Variants in IGFBP7 observed in about 807,000 individuals in gnomAD.
IGFBP7 encodes the protein insulin like growth factor binding protein 7.
IGFBP7 carries 31 observed loss-of-function variants against 29.4 expected under a neutral mutation model. The observed-to-expected ratio is 1.05, with a 90% CI of 0.79 to 1.42. IGFBP7 has a LOEUF of 1.42. Ranked by LOEUF, IGFBP7 falls within the 40% of genes most tolerant of loss-of-function variation. The pLI is 0.00. For missense variants in IGFBP7, 393 were observed against 395.5 expected, an observed-to-expected ratio of 0.99 and a Z score of 0.05; for synonymous variants, 172 against 174.9, an observed-to-expected ratio of 0.98 and a Z score of 0.13.
At chr4:57,055,467 A>G (rs1477243836) in intron 1 of IGFBP7, among the ~76,000 whole-genome samples, 4 of 152,196 alleles carry the variant, frequency 2.6e-5, no homozygotes, top group Admixed American at 2.6e-4. Flanking sequence ...GACAGATTAG[A>G]AGAAATTATG....
chr4:57,063,124 C>T (rs1257997501), intron 1 of IGFBP7, among the ~76,000 whole-genome samples: 1 of 151,246 alleles, frequency 6.6e-6, no homozygotes, highest in East Asian at 1.9e-4. Context: ...CTAGAATATT[C>T]CCCCCATTTC....
intron 1 of IGFBP7, among the ~76,000 whole-genome samples, chr4:57,103,574 T>C (rs1383548535): frequency 6.6e-6 from 1 of 152,136 alleles, no homozygotes; most frequent in Non-Finnish European, 1.5e-5. Flanking sequence ...ATTTAACATA[T>C]GCATTACCTC....
rs1460186310 is a variant in IGFBP7 at position 57,078,469 on chromosome 4, G to A, written c.475+31408C>T. On this transcript the variant is annotated intron_variant, in intron 1 of 4. Coordinates refer to ENST00000295666, the MANE Select transcript of IGFBP7 (RefSeq NM_001553.3). ...AGCTGATGGGAAAGCGGTAAAACTC[G>A]ATTTCAAACTTGTCTAAAAAAAAAA... Among the ~76,000 whole-genome samples the A allele has an allele frequency of 4.0e-5, 6 of 151,382 alleles. No individual in the cohort carries two copies. In the East Asian group the frequency reaches 1.2e-3, roughly 29 times the overall value.
intron 1 of IGFBP7, among the ~76,000 whole-genome samples, chr4:57,046,893 C>A (rs1400582123): frequency 6.6e-6 from 1 of 152,326 alleles, no homozygotes; most frequent in African/African-American, 2.4e-5. Flanking sequence ...TTCCTTTTAC[C>A]TTACACACTC....
At chr4:57,033,164 A>G (rs1356326240) in intron 3 of IGFBP7, 31 bp downstream of exon 3, 1 of 1,449,554 alleles carries the variant, frequency 6.9e-7, no homozygotes, top group African/African-American at 1.4e-5. Context: ...TAAGAATGAA[A>G]CTCTTGCCAG....
chr4:57,088,976 G>A (rs1273505057), intron 1 of IGFBP7, among the ~76,000 whole-genome samples: 1 of 146,482 alleles, frequency 6.8e-6, no homozygotes, highest in Non-Finnish European at 1.5e-5. Flanking sequence ...AGGTGGCAGC[G>A]AGTGGAGATC....
intron 1 of IGFBP7, among the ~76,000 whole-genome samples, chr4:57,044,639 T>C (rs1036015804): frequency 1.3e-5 from 2 of 152,224 alleles, no homozygotes; most frequent in African/African-American, 4.8e-5. Flanking sequence ...ATCATAATAA[T>C]GCCTTTGTGG....
intron 4 of IGFBP7, among the ~76,000 whole-genome samples, chr4:57,031,852 G>C (rs767912550): frequency 2.0e-5 from 3 of 152,126 alleles, no homozygotes; most frequent in Non-Finnish European, 4.4e-5. Context: ...ACATGGTGAC[G>C]GTAAATTTTG....
chr4:57,054,774 G>A (rs773420315), intron 1 of IGFBP7, among the ~76,000 whole-genome samples: 2 of 152,002 alleles, frequency 1.3e-5, no homozygotes, highest in East Asian at 1.9e-4. Flanking sequence ...AACATTTTGC[G>A]ACGCTGAAGG....
Position 57,077,230 on chromosome 4 carries a change from C to T in IGFBP7, c.475+32647G>A, listed in dbSNP as rs115784907. 2.1e-3 allele frequency among the ~76,000 whole-genome samples: 314 copies of T among 152,266 alleles called. 1 individual carries two copies. Among genetic ancestry groups the T allele is most frequent in the Non-Finnish European group, 3.6e-3 (246 of 68,022 alleles). ...CATTCACTTCTATGAGACCACAGAA[C>T]GCATCCAAACAGTCCTCCTTTTATA... On this transcript the variant is annotated intron_variant, in intron 1 of 4. Transcript: ENST00000295666.
chr4:57,082,194 CTT>C (rs1392639429), intron 1 of IGFBP7, among the ~76,000 whole-genome samples: 2 of 152,072 alleles, frequency 1.3e-5, no homozygotes, highest in Non-Finnish European at 2.9e-5. Flanking sequence ...CAAGAATCCT[CTT>C]TGTCTCTACA....
At chr4:57,105,104 A>G (rs537888770) in intron 1 of IGFBP7, among the ~76,000 whole-genome samples, 147 of 152,198 alleles carry the variant, frequency 9.7e-4, no homozygotes, top group Non-Finnish European at 1.6e-3. Context: ...GGGAAGGTCT[A>G]TAGTAGCCAA....
In IGFBP7 at chr4:57,110,042, C is replaced by T. The variant is rs1357794774; in HGVS notation, c.310G>A (p.Gly104Ser). The T allele has an allele frequency of 4.2e-5, 65 of 1,559,380 alleles. No homozygotes were observed. The highest frequency in any genetic ancestry group is 5.4e-5 in the Non-Finnish European group (62 of 1,158,702). Residue 104 changes from glycine to serine, a missense_variant, in exon 1 of 5, where the codon GGT becomes AGT. Coordinates refer to ENST00000295666, the MANE Select transcript of IGFBP7 (RefSeq NM_001553.3). Reference protein sequence around the residue: ...RKGKAGAAAGGPGVSGVCVCK... With the variant: ...RKGKAGAAAGSPGVSGVCVCK... ...ACGCACACGCCGCTTACACCCGGAC[C>T]GCCGGCTGCTGCCCCGGCTTTACCC... is the stretch of plus-strand genomic sequence containing the variant.
At chr4:57,046,150 A>C (rs930252805) in intron 1 of IGFBP7, among the ~76,000 whole-genome samples, 1 of 152,206 alleles carries the variant, frequency 6.6e-6, no homozygotes, top group African/African-American at 2.4e-5. Context: ...CAAGTCTTGT[A>C]TAGAAGAGAA....
At chr4:57,040,589 C>T (rs1467933991) in intron 2 of IGFBP7, among the ~76,000 whole-genome samples, 1 of 152,226 alleles carries the variant, frequency 6.6e-6, no homozygotes, top group African/African-American at 2.4e-5. Context: ...TTCAGGTGTT[C>T]AGCATTATTG....
chr4:57,041,142 A>C (rs1724217519), intron 1 of IGFBP7, among the ~76,000 whole-genome samples: 1 of 152,198 alleles, frequency 6.6e-6, no homozygotes, highest in South Asian at 2.1e-4. Flanking sequence ...ACAAACAAAA[A>C]CAATTAGGAA....
At chr4:57,079,184 G>A (rs1725301812) in intron 1 of IGFBP7, among the ~76,000 whole-genome samples, 1 of 152,000 alleles carries the variant, frequency 6.6e-6, no homozygotes, top group Admixed American at 6.6e-5. Flanking sequence ...AAACACGATC[G>A]TTTCTTCAAG....
chr4:57,073,104 T>A (rs1375635032), intron 1 of IGFBP7: 1 of 1,594,066 alleles, frequency 6.3e-7, no homozygotes, highest in African/African-American at 1.3e-5. Context: ...GAAACCTACT[T>A]AAAGCAGGTC....
chr4:57,084,278 T>C (rs1725442394), intron 1 of IGFBP7, among the ~76,000 whole-genome samples: 1 of 152,236 alleles, frequency 6.6e-6, no homozygotes, highest in Admixed American at 6.5e-5. Flanking sequence ...CTGAATTGTA[T>C]ACAATTTATT....
Sources: gnomAD v4.1 joint callset for allele counts (sites outside exome capture counted in the v4.1 genomes callset) on GRCh38, gnomAD v4.1.1 for gene constraint, MANE v1.5 for transcripts, NCBI Gene and HGNC (gene_info 2026-07-23, HGNC 2026-07-21) for gene names.